SLC38A12: variants seen among roughly 807,000 people sequenced by gnomAD.
The protein encoded by SLC38A12 is putative sodium-coupled neutral amino acid transporter 12.
At chr17:74,811,419 A>C in the SLC38A12 span, among the ~76,000 whole-genome samples, 1 of 151,958 alleles carries the variant, frequency 6.6e-6, no homozygotes, top group Non-Finnish European at 1.5e-5. Context: ...GAATAGTAGA[A>C]TAGTACTGGG....
chr17:74,814,260 T>G, the SLC38A12 span, among the ~76,000 whole-genome samples: 1 of 149,102 alleles, frequency 6.7e-6, no homozygotes, highest in Non-Finnish European at 1.5e-5. Flanking sequence ...CCCCTTCCTG[T>G]GGGGATCTTG....
At chr17:74,792,596 C>A in the SLC38A12 span, among the ~76,000 whole-genome samples, 1 of 152,230 alleles carries the variant, frequency 6.6e-6, no homozygotes, top group Non-Finnish European at 1.5e-5. Context: ...TGTCAAAGCC[C>A]CGTTTGTCGA....
chr17:74,823,518 C>T, the SLC38A12 span, among the ~76,000 whole-genome samples: 1 of 152,370 alleles, frequency 6.6e-6, no homozygotes, highest in South Asian at 2.1e-4. Context: ...GCCACTTGTC[C>T]AGGAAAACTC....
the SLC38A12 span, among the ~76,000 whole-genome samples, chr17:74,812,080 T>C: frequency 6.6e-6 from 1 of 151,042 alleles, no homozygotes; most frequent in Non-Finnish European, 1.5e-5. Flanking sequence ...TGGTTGGAGC[T>C]CCTTGCTTGG....
chr17:74,814,190 C>T, the SLC38A12 span, among the ~76,000 whole-genome samples: 15 of 152,192 alleles, frequency 9.9e-5, no homozygotes, highest in African/African-American at 3.4e-4. Flanking sequence ...AGAGTCTGAT[C>T]CCCTTCTTTG....
the SLC38A12 span, among the ~76,000 whole-genome samples, chr17:74,806,097 G>C: frequency 3.3e-5 from 5 of 152,302 alleles, no homozygotes; most frequent in African/African-American, 1.2e-4. Context: ...TGGAGGTGTG[G>C]GTGTTTTTTC....
the SLC38A12 span, among the ~76,000 whole-genome samples, chr17:74,829,256 T>G: frequency 6.6e-6 from 1 of 152,192 alleles, no homozygotes; most frequent in Non-Finnish European, 1.5e-5. The surrounding 1 kb of genome is among the most constrained non-coding windows in gnomAD (Gnocchi z 4.1). Flanking sequence ...CCCTAGTAGC[T>G]GGGACTACAG....
the SLC38A12 span, among the ~76,000 whole-genome samples, chr17:74,822,491 G>GT: frequency 6.6e-6 from 1 of 152,220 alleles, no homozygotes; most frequent in African/African-American, 2.4e-5. Context: ...GACAGCACTT[G>GT]TTTTTTTGGT....
the SLC38A12 span, chr17:74,785,417 T>C: frequency 6.3e-6 from 10 of 1,575,342 alleles, no homozygotes; most frequent in African/African-American, 1.3e-4. Flanking sequence ...GGTCGTTCCT[T>C]GGGAGCTGTT....
chr17:74,838,243 C>T, the SLC38A12 span: 1 of 985,800 alleles, frequency 1.0e-6, no homozygotes, highest in African/African-American at 1.7e-5. Context: ...GTGTCACTTT[C>T]CATCCACGGG....
At chr17:74,817,335 G>A in the SLC38A12 span, among the ~76,000 whole-genome samples, 1 of 152,096 alleles carries the variant, frequency 6.6e-6, no homozygotes. Flanking sequence ...AGCATGAAAC[G>A]AAAAAGAAGC....
At chr17:74,838,578 C>T in the SLC38A12 span, 106 of 1,237,122 alleles carry the variant, frequency 8.6e-5, no homozygotes, top group Non-Finnish European at 1.0e-4. Context: ...GTGTTCCCTG[C>T]CCTGGAGGGA....
chr17:74,824,568 TG>T, the SLC38A12 span, among the ~76,000 whole-genome samples: 1 of 152,148 alleles, frequency 6.6e-6, no homozygotes, highest in Non-Finnish European at 1.5e-5. Context: ...GCTGGCTTGG[TG>T]CGGGGCGCCC....
the SLC38A12 span, chr17:74,777,663 T>TAATC: frequency 1.6e-5 from 21 of 1,336,766 alleles, no homozygotes; most frequent in Non-Finnish European, 2.0e-5. Flanking sequence ...CTCACGCCTG[T>TAATC]AATCCCAGCA....
chr17:74,817,374 C>T, the SLC38A12 span, among the ~76,000 whole-genome samples: 27 of 152,286 alleles, frequency 1.8e-4, no homozygotes, highest in African/African-American at 3.4e-4. Flanking sequence ...CATCTATGGA[C>T]GTTGCAGCCA....
At chr17:74,795,156 T>C in the SLC38A12 span, 1 of 1,521,846 alleles carries the variant, frequency 6.6e-7, no homozygotes, top group Non-Finnish European at 9.1e-7. Context: ...CCAAAGGGGC[T>C]TCCTCAGCAA....
the SLC38A12 span, chr17:74,835,860 C>T: frequency 1.3e-6 from 2 of 1,522,828 alleles, no homozygotes; most frequent in Non-Finnish European, 1.8e-6. Flanking sequence ...AGGCGCCCCC[C>T]AGACCAGAAA....
the SLC38A12 span, among the ~76,000 whole-genome samples, chr17:74,802,471 G>A: frequency 6.6e-6 from 1 of 152,180 alleles, no homozygotes; most frequent in African/African-American, 2.4e-5. Flanking sequence ...CCTGAGGGGT[G>A]ACAGGGTCTT....
At chr17:74,788,704 G>C in the SLC38A12 span, 1 of 1,185,858 alleles carries the variant, frequency 8.4e-7, no homozygotes, top group East Asian at 2.4e-5. Context: ...TGGTGGGTCT[G>C]GTCGGTTCTT....
Sources: gnomAD v4.1 joint callset for allele counts (sites outside exome capture counted in the v4.1 genomes callset) on GRCh38, gnomAD v4.1.1 for gene constraint, Gnocchi (gnomAD v3.1) non-coding constraint, MANE v1.5 for transcripts, NCBI Gene and HGNC (gene_info 2026-07-23, HGNC 2026-07-21) for gene names.